The following SPAG16 variants were observed in gnomAD, a reference collection of about 807,000 sequenced individuals.
The protein encoded by SPAG16 is sperm-associated antigen 16 protein.
SPAG16 carries 86 observed loss-of-function variants against 80.4 expected under a neutral mutation model. That is an observed-to-expected ratio of 1.07 (90% CI 0.90 to 1.28). The LOEUF (loss-of-function observed/expected upper bound fraction) is 1.28. Among genes scored for constraint, SPAG16 ranks in the 50% most tolerant of loss-of-function variants. The pLI, the probability that SPAG16 is intolerant of heterozygous loss-of-function variation, is 0.00. For missense variants in SPAG16, 870 were observed against 765.3 expected, an observed-to-expected ratio of 1.14 and a Z score of -1.61; for synonymous variants, 294 against 265.9, an observed-to-expected ratio of 1.11 and a Z score of -1.03.
chr2:214,352,558 C>CTG (rs761835945), intron 15 of SPAG16, among the ~76,000 whole-genome samples: 10 of 142,468 alleles, frequency 7.0e-5, no homozygotes, highest in East Asian at 6.3e-4. Flanking sequence ...CTTTTTTTCT[C>CTG]TGTGTGTGTG....
rs184136917 is a variant in SPAG16 at position 213,693,561 on chromosome 2, C to A, written c.1071-168924C>A. Among the ~76,000 whole-genome samples, 279 of 152,254 alleles carry A rather than the reference C, an allele frequency of 1.8e-3. 1 individual carries two copies. Among genetic ancestry groups the A allele is most frequent in the African/African-American group, 6.3e-3 (261 of 41,540 alleles). On this transcript the variant is annotated intron_variant, in intron 10 of 15. Coordinates refer to ENST00000331683, the MANE Select transcript of SPAG16 (RefSeq NM_024532.5). ...TGTAGCTTGCTAAATAATTTATGGG[C>A]TTTTTGGAAGTGTTTTGGGCAGATT...
intron 10 of SPAG16, among the ~76,000 whole-genome samples, chr2:213,500,083 C>T (rs753951251): frequency 6.6e-6 from 1 of 152,204 alleles, no homozygotes; most frequent in Non-Finnish European, 1.5e-5. Context: ...TATTCTTTAA[C>T]TGTCCAATCA....
chr2:213,552,829 G>T (rs935933781), intron 10 of SPAG16, among the ~76,000 whole-genome samples: 1 of 152,166 alleles, frequency 6.6e-6, no homozygotes, highest in Non-Finnish European at 1.5e-5. Flanking sequence ...AACGTGGAAG[G>T]ACTAGACTGG....
intron 10 of SPAG16, among the ~76,000 whole-genome samples, chr2:213,861,939 G>T (rs2075484015): frequency 2.0e-5 from 3 of 152,130 alleles, no homozygotes; most frequent in African/African-American, 4.8e-5. Context: ...GGTAATGTAG[G>T]ATAGAATTTT....
At chr2:213,737,807 A>G (rs972298222) in intron 10 of SPAG16, among the ~76,000 whole-genome samples, 1 of 151,980 alleles carries the variant, frequency 6.6e-6, no homozygotes, top group South Asian at 2.1e-4. Flanking sequence ...TTTTTCTTAC[A>G]TGTATACTTT....
intron 15 of SPAG16, among the ~76,000 whole-genome samples, chr2:214,246,354 C>T (rs967063973): frequency 4.6e-5 from 7 of 152,174 alleles, no homozygotes; most frequent in Non-Finnish European, 8.8e-5. Context: ...GATGACATTC[C>T]TCTCATTGAG....
At chr2:213,907,047 G>A (rs2077461012) in intron 11 of SPAG16, among the ~76,000 whole-genome samples, 1 of 152,026 alleles carries the variant, frequency 6.6e-6, no homozygotes, top group African/African-American at 2.4e-5. Flanking sequence ...GCACAGCAAA[G>A]GAAACAATCA....
chr2:213,369,545 G>T (rs942313523), intron 8 of SPAG16, among the ~76,000 whole-genome samples: 1 of 151,706 alleles, frequency 6.6e-6, no homozygotes, highest in Non-Finnish European at 1.5e-5. Flanking sequence ...ACAATAAAAT[G>T]CATAAATTTA....
At chr2:214,132,727 T>C (rs1285588832) in intron 14 of SPAG16, among the ~76,000 whole-genome samples, 1 of 152,008 alleles carries the variant, frequency 6.6e-6, no homozygotes, top group Non-Finnish European at 1.5e-5. Flanking sequence ...GAGTAACATA[T>C]GGGGAAATTT....
chr2:213,898,968 TATCTG>T (rs2077105096), intron 11 of SPAG16, among the ~76,000 whole-genome samples: 1 of 151,960 alleles, frequency 6.6e-6, no homozygotes, highest in Admixed American at 6.6e-5. Flanking sequence ...TAAGAAAGAG[TATCTG>T]TTGCCGCAGG....
intron 11 of SPAG16, among the ~76,000 whole-genome samples, chr2:213,870,465 CT>C (rs2075904059): frequency 6.6e-6 from 1 of 152,176 alleles, no homozygotes; most frequent in Admixed American, 6.5e-5. Flanking sequence ...AAGCGCTTTC[CT>C]CCACGAAGTG....
At chr2:213,665,655 CA>C (rs1159887899) in intron 10 of SPAG16, among the ~76,000 whole-genome samples, 2 of 152,126 alleles carry the variant, frequency 1.3e-5, no homozygotes, top group Non-Finnish European at 2.9e-5. Flanking sequence ...TTTCATCAAC[CA>C]ATAAATACAT....
At chr2:213,775,758 T>A (rs2069537474) in intron 10 of SPAG16, among the ~76,000 whole-genome samples, 1 of 152,252 alleles carries the variant, frequency 6.6e-6, no homozygotes, top group South Asian at 2.1e-4. Context: ...TACATCTTTA[T>A]AAGTAGAAGT....
intron 15 of SPAG16, among the ~76,000 whole-genome samples, chr2:214,377,377 T>G (rs1454186868): frequency 6.6e-6 from 1 of 152,210 alleles, no homozygotes; most frequent in African/African-American, 2.4e-5. Context: ...TTGCTTGATA[T>G]GTACCATAGA....
intron 9 of SPAG16, among the ~76,000 whole-genome samples, chr2:213,470,166 G>A (rs960146924): frequency 1.1e-4 from 16 of 152,080 alleles, no homozygotes; most frequent in Non-Finnish European, 1.3e-4. Context: ...TCATCCAAGC[G>A]AAGTATTATC....
intron 9 of SPAG16, among the ~76,000 whole-genome samples, chr2:213,484,232 A>C (rs1462851548): frequency 6.6e-6 from 1 of 152,248 alleles, no homozygotes; most frequent in Non-Finnish European, 1.5e-5. Flanking sequence ...TAAATTAAAA[A>C]TATTTAAGTA....
chr2:214,238,720 C>T (rs1689244145), intron 15 of SPAG16: 1 of 150,646 alleles, frequency 6.6e-6, no homozygotes, highest in Non-Finnish European at 1.5e-5. Context: ...AAATCTACAT[C>T]CTTATCTGTT....
intron 9 of SPAG16, among the ~76,000 whole-genome samples, chr2:213,430,736 A>G (rs2070241182): frequency 1.3e-5 from 2 of 152,204 alleles, no homozygotes; most frequent in Admixed American, 6.5e-5. Context: ...AACAAACACC[A>G]GAAAATATGC....
At chr2:213,497,533 A>T (rs1033143394) in intron 10 of SPAG16, among the ~76,000 whole-genome samples, 2 of 151,852 alleles carry the variant, frequency 1.3e-5, no homozygotes, top group Admixed American at 6.6e-5. Flanking sequence ...AGCATTTTCA[A>T]TTCCAGTGTT....
Sources: allele counts gnomAD v4.1 joint callset (sites outside exome capture counted in the v4.1 genomes callset), GRCh38; gene constraint gnomAD v4.1.1; transcripts MANE v1.5; gene names NCBI Gene and HGNC (gene_info 2026-07-23, HGNC 2026-07-21).